The following ADAP1 variants were observed in gnomAD, a reference collection of about 807,000 sequenced individuals.
ADAP1 encodes the protein ArfGAP with dual PH domains 1, also known as arf-GAP with dual PH domain-containing protein 1.
Under a neutral mutation model 54.9 loss-of-function variants are expected in ADAP1, and 31 were observed. The ratio of observed to expected loss-of-function variants is 0.56; its 90% CI spans 0.42 to 0.76. The LOEUF is 0.76. ADAP1 is among the 30% of genes least tolerant of loss of function. The pLI, the probability that ADAP1 is intolerant of heterozygous loss-of-function variation, is 0.00. For missense variants in ADAP1, 535 were observed against 512.4 expected (o/e 1.04, Z -0.42); for synonymous variants, 313 against 202.6 (o/e 1.55, Z -4.63).
chr7:934,768 A>G (rs1431585421), intron 2 of ADAP1, among the ~76,000 whole-genome samples: 2 of 151,988 alleles, frequency 1.3e-5, no homozygotes, highest in Non-Finnish European at 2.9e-5. Flanking sequence ...CTCCCTCCCC[A>G]TAGGGGCGTC....
Position 920,200 on chromosome 7 carries a change from G to T in ADAP1, c.306-150C>A. 1.6e-6 allele frequency: 1 copy of T among 636,178 alleles called. No homozygotes were observed. Among genetic ancestry groups the T allele is most frequent in the South Asian group, 1.9e-5 (1 of 52,572 alleles). The allele number at this position is 636,178 out of a possible 1,614,324, so 39.4% of individuals were successfully genotyped here. On this transcript the variant is annotated intron_variant, in intron 3 of 10. Coordinates refer to ENST00000265846, the MANE Select transcript of ADAP1 (RefSeq NM_006869.4). The surrounding 1 kb of genome is among the most constrained non-coding windows in gnomAD (Gnocchi z 4.5). Reference sequence around the variant, plus strand: ...CCCCTCTGGGCACAAGATCCCGGAAGAAATGCAGGGTCAGCCTCCTGCCCG... The same window carrying T: ...CCCCTCTGGGCACAAGATCCCGGAATAAATGCAGGGTCAGCCTCCTGCCCG...
At chr7:903,911 C>A in intron 6 of ADAP1, 1 of 570,026 alleles carries the variant, frequency 1.8e-6, no homozygotes, top group African/African-American at 2.0e-5. Flanking sequence ...CTTCCTGCAC[C>A]TGTCTTCCCA....
Position 899,424 on chromosome 7 carries a change from G to A in ADAP1, c.862C>T (p.Pro288Ser). Residue 288 changes from proline (P) to serine (S), a missense_variant, in exon 9 of 11, where the codon CCC becomes TCC. Coordinates refer to ENST00000265846, the MANE Select transcript of ADAP1 (RefSeq NM_006869.4). ...GGGCCACAGCTCCTCCTTACCAGGG[G>A]GTCTTTGAAGTACATGAGCCTGCGG... ...DDRRLMYFKD[P>S]LDAFARGEVF... 2 of 1,613,096 alleles carry A rather than the reference G, an allele frequency of 1.2e-6. No individual in the cohort carries two copies. The highest frequency in any genetic ancestry group is 1.6e-4 in the Middle Eastern group (1 of 6,062).
At chr7:930,340 T>C (rs540505563) in intron 2 of ADAP1, among the ~76,000 whole-genome samples, 318 of 148,224 alleles carry the variant, frequency 2.1e-3, no homozygotes, top group Non-Finnish European at 3.8e-3. Flanking sequence ...ACAGCTAACA[T>C]TGCAGCAGAA....
intron 6 of ADAP1, chr7:903,890 T>G (rs1476896556): frequency 2.0e-6 from 1 of 499,384 alleles, no homozygotes; most frequent in Non-Finnish European, 3.5e-6. Flanking sequence ...AGCCCGGCCC[T>G]GGGAAGCTGC....
At chr7:905,543 G>GGAGAAAGGAGAAA (rs1845161451) in intron 4 of ADAP1, 1 of 11,504 alleles carries the variant, frequency 8.7e-5, no homozygotes, top group Non-Finnish European at 1.5e-4. Context: ...GAAGGGAGAA[G>GGAGAAAGGAGAAA]GGAGAAGGGA....
intron 1 of ADAP1, among the ~76,000 whole-genome samples, chr7:939,570 C>G (rs990770939): frequency 6.6e-6 from 1 of 150,866 alleles, no homozygotes; most frequent in Non-Finnish European, 1.5e-5. Context: ...GTGGCTCACA[C>G]CTGTAATCCC....
rs5881885 is a variant in ADAP1, at chr7:925,361, TAAA to T, written c.305+1189_305+1191del. Reference sequence around the variant, plus strand: ...TGTAGGGAGACCCCGTCTCTATATTTAAAAAAAAAAAAAAAAAAAAAAGGCCCA... The same window carrying T: ...TGTAGGGAGACCCCGTCTCTATATTTAAAAAAAAAAAAAAAAAAAGGCCCA... On this transcript the variant is annotated intron_variant, in intron 3 of 10. Transcript: ENST00000265846. 7.6e-4 allele frequency among the ~76,000 whole-genome samples: 85 copies of T among 111,332 alleles called. 1 individual carries two copies. The highest frequency in any genetic ancestry group is 8.4e-4 in the African/African-American group (24 of 28,590). 73.0% of individuals were successfully genotyped at this position (111,332 alleles called of 152,430 possible). A position where few individuals can be genotyped will look rare whatever the true frequency, so the allele number is the denominator to read the frequency against.
intron 1 of ADAP1, among the ~76,000 whole-genome samples, chr7:939,496 G>T (rs955367382): frequency 3.3e-5 from 5 of 151,780 alleles, no homozygotes; most frequent in Non-Finnish European, 7.4e-5. Context: ...GGGATTACAG[G>T]CGTGAGCCAC....
At chr7:948,682 G>A (rs779982793) in intron 1 of ADAP1, among the ~76,000 whole-genome samples, 10 of 151,962 alleles carry the variant, frequency 6.6e-5, no homozygotes, top group Non-Finnish European at 1.0e-4. Context: ...CGTTTACGGG[G>A]CATCCAAGAT....
intron 1 of ADAP1, among the ~76,000 whole-genome samples, chr7:947,698 C>T (rs1171112523): frequency 1.3e-5 from 2 of 152,164 alleles, no homozygotes; most frequent in Non-Finnish European, 2.9e-5. Context: ...CACCGCCACC[C>T]GGCCTCGGTC....
At chr7:905,483 A>AGAAAGGAGAAAGGAGAAAGG (rs1845144520) in intron 4 of ADAP1, 1 of 84,204 alleles carries the variant, frequency 1.2e-5, no homozygotes. Context: ...AAGGGAAAGG[A>AGAAAGGAGAAAGGAGAAAGG]GAAAGGAGAA....
chr7:908,592 G>A (rs1283284799), intron 4 of ADAP1, among the ~76,000 whole-genome samples: 2 of 152,242 alleles, frequency 1.3e-5, no homozygotes, highest in East Asian at 1.9e-4. Flanking sequence ...TCAGACCCAA[G>A]TAAGGCCTGC....
rs1845452092 is a variant in ADAP1 at position 906,753 on chromosome 7, CATGG to C, written c.389-1585_389-1582del. Among the ~76,000 whole-genome samples, 7 of 18,558 alleles carry C rather than the reference CATGG, an allele frequency of 3.8e-4. 2 individuals carry two copies. Among genetic ancestry groups the C allele is most frequent in the South Asian group, 1.6e-3 (1 of 642 alleles). The allele number at this position is 18,558 out of a possible 152,430, so 12.2% of individuals were successfully genotyped here. A position where few individuals can be genotyped will look rare whatever the true frequency, so the allele number is the denominator to read the frequency against. The stretch of plus-strand genomic sequence containing the variant: ...CATGGGGGACAGAGTACATAGGGGA[CATGG>C]ACAGGGGACATGGGGGACAGGGGAC... On this transcript the variant is annotated intron_variant, in intron 4 of 10. Transcript: ENST00000265846.
intron 4 of ADAP1, among the ~76,000 whole-genome samples, chr7:907,333 G>A (rs1241460692): frequency 1.3e-5 from 2 of 152,150 alleles, no homozygotes; most frequent in Non-Finnish European, 2.9e-5. Flanking sequence ...AGGACAGGAG[G>A]GAAGGGGACG....
intron 6 of ADAP1, among the ~76,000 whole-genome samples, chr7:902,756 C>T (rs117643407): frequency 6.6e-6 from 1 of 152,026 alleles, no homozygotes; most frequent in Non-Finnish European, 1.5e-5. Flanking sequence ...TGGGCCTGTA[C>T]CCAGCACATG....
rs1470703887 is a variant in ADAP1, at chr7:935,093, C to G, written c.213+282G>C. ...GATTTGAGGGGAGCACTCCGGAGCTCCCAGGGCACGGGAATCGGCGACCCG... is the reference window on the plus strand; with the variant it reads ...GATTTGAGGGGAGCACTCCGGAGCTGCCAGGGCACGGGAATCGGCGACCCG... On this transcript the variant is annotated intron_variant, in intron 2 of 10. Coordinates refer to ENST00000265846, the MANE Select transcript of ADAP1 (RefSeq NM_006869.4). 4 of 572,690 alleles carry G rather than the reference C, an allele frequency of 7.0e-6. No homozygotes were observed. The African/African-American group carries it at 7.4e-5, about 11-fold the overall frequency. The allele number at this position is 572,690 out of a possible 1,614,324, so 35.5% of individuals were successfully genotyped here.
In ADAP1 at chr7:900,240, G is replaced by A. The variant is rs1844722031; in HGVS notation, c.733-76C>T. ...AGCCCCTCCCTGGCTGTGCCCCTCT[G>A]TGCTCCCCTCACCCCGGGCCACCAG... On this transcript the variant is annotated intron_variant, in intron 7 of 10. Transcript: ENST00000265846. The A allele has an allele frequency of 3.8e-6, 6 of 1,567,284 alleles. No individual in the cohort carries two copies. In the Admixed American group the frequency reaches 1.0e-4, roughly 26 times the overall value.
chr7:937,137 G>C (rs1846789460), intron 1 of ADAP1, among the ~76,000 whole-genome samples: 1 of 107,966 alleles, frequency 9.3e-6, no homozygotes, highest in African/African-American at 3.7e-5. Flanking sequence ...TCTGGGATTT[G>C]GGGGTCACGC....
Sources: allele counts gnomAD v4.1 joint callset (sites outside exome capture counted in the v4.1 genomes callset), GRCh38; gene constraint gnomAD v4.1.1; non-coding constraint Gnocchi (gnomAD v3.1); transcripts MANE v1.5; gene names NCBI Gene and HGNC (gene_info 2026-07-23, HGNC 2026-07-21).